Variants in DNAI7 observed in about 807,000 individuals in gnomAD.
DNAI7 encodes cancer susceptibility 1.
Under a neutral mutation model 86.6 loss-of-function variants are expected in DNAI7, and 78 were observed. The ratio of observed to expected loss-of-function variants is 0.90; its 90% CI spans 0.75 to 1.09. The LOEUF is 1.09. Ranked by LOEUF, DNAI7 falls within the 50% of genes least tolerant of loss-of-function variation. DNAI7 has a pLI of 0.00. For missense variants in DNAI7, 753 were observed against 810.2 expected (o/e 0.93, Z 0.86); for synonymous variants, 274 against 273.0 (o/e 1.00, Z -0.04).
At chr12:25,161,071 T>G in intron 3 of DNAI7, 42 bp downstream of exon 3, 1 of 1,441,254 alleles carries the variant, frequency 6.9e-7, no homozygotes, top group Non-Finnish European at 9.8e-7. Flanking sequence ...CTATCGTGAC[T>G]ATTACCTGTA....
At chr12:25,166,288 G>A (rs1190557374) in intron 2 of DNAI7, among the ~76,000 whole-genome samples, 3 of 152,040 alleles carry the variant, frequency 2.0e-5, no homozygotes, top group East Asian at 1.9e-4. Flanking sequence ...CAGGATCTGC[G>A]CCTTATCAAC....
chr12:25,151,810 T>C (rs1945579255), intron 6 of DNAI7, among the ~76,000 whole-genome samples: 1 of 152,194 alleles, frequency 6.6e-6, no homozygotes, highest in Non-Finnish European at 1.5e-5. Context: ...TCACAATCTA[T>C]GTTTATTTGT....
intron 3 of DNAI7, among the ~76,000 whole-genome samples, chr12:25,159,969 T>C (rs936583734): frequency 3.9e-5 from 6 of 152,162 alleles, no homozygotes; most frequent in Non-Finnish European, 8.8e-5. Context: ...TATTTTAAAT[T>C]TGGCAAATAA....
intron 2 of DNAI7, among the ~76,000 whole-genome samples, chr12:25,166,192 A>T (rs968172611): frequency 4.6e-5 from 7 of 152,204 alleles, no homozygotes; most frequent in African/African-American, 1.7e-4. Flanking sequence ...CGCCTGCTAC[A>T]GCATGGCCTT....
At chr12:25,114,535 TA>T in intron 13 of DNAI7, 120 bp downstream of exon 13, 1 of 635,574 alleles carries the variant, frequency 1.6e-6, no homozygotes, top group Non-Finnish European at 2.8e-6. Context: ...AAGGTCATTA[TA>T]AGACACTTAT....
chr12:25,184,096 A>T (rs1469174610), intron 2 of DNAI7, among the ~76,000 whole-genome samples: 1 of 152,196 alleles, frequency 6.6e-6, no homozygotes, highest in East Asian at 1.9e-4. Flanking sequence ...ATTATCATGC[A>T]TGTTTTTAAC....
chr12:25,182,636 A>ACACACG (rs1422435711), intron 2 of DNAI7, among the ~76,000 whole-genome samples: 2 of 151,564 alleles, frequency 1.3e-5, no homozygotes, highest in Non-Finnish European at 2.9e-5. Context: ...ACACACACAC[A>ACACACG]CAAGCCAGAT....
At chr12:25,183,696 C>G (rs751331492) in intron 2 of DNAI7, among the ~76,000 whole-genome samples, 1 of 151,972 alleles carries the variant, frequency 6.6e-6, no homozygotes, top group Non-Finnish European at 1.5e-5. Flanking sequence ...CTCAGTCTCC[C>G]ATATTGCTGG....
At chr12:25,190,724 G>T in intron 1 of DNAI7, 93 bp from the exon 2 acceptor site, 1 of 634,038 alleles carries the variant, frequency 1.6e-6, no homozygotes, top group Non-Finnish European at 2.6e-6. Flanking sequence ...ATTAGAAGAA[G>T]CTTGGTAAAG....
intron 2 of DNAI7, among the ~76,000 whole-genome samples, chr12:25,184,969 A>T (rs1949898886): frequency 6.8e-6 from 1 of 147,896 alleles, no homozygotes. Flanking sequence ...ATCTCTATAA[A>T]AAAAAAAAAA....
chr12:25,161,595 G>A (rs1406008157), intron 2 of DNAI7, among the ~76,000 whole-genome samples: 1 of 152,166 alleles, frequency 6.6e-6, no homozygotes, highest in South Asian at 2.1e-4. Context: ...ATGACTAACA[G>A]GTATACAGAG....
chr12:25,173,157 A>T (rs2141169200), intron 2 of DNAI7, among the ~76,000 whole-genome samples: 1 of 152,350 alleles, frequency 6.6e-6, no homozygotes, highest in African/African-American at 2.4e-5. Flanking sequence ...CAGAGTAAAC[A>T]GACAACCCAC....
chr12:25,175,028 T>C (rs150440060), intron 2 of DNAI7, among the ~76,000 whole-genome samples: 2,161 of 152,076 alleles, frequency 0.014, 103 homozygotes, highest in East Asian at 0.11. Context: ...GCTCGGGTGA[T>C]GGGTGAACCA....
intron 2 of DNAI7, among the ~76,000 whole-genome samples, chr12:25,164,494 A>C (rs371590634): frequency 1.6e-4 from 25 of 152,114 alleles, no homozygotes; most frequent in East Asian, 9.7e-4. Flanking sequence ...CTAAAACCTA[A>C]ATGCCTTTTC....
At chr12:25,140,074 T>G (rs889765860) in intron 9 of DNAI7, among the ~76,000 whole-genome samples, 3 of 152,040 alleles carry the variant, frequency 2.0e-5, no homozygotes, top group African/African-American at 7.2e-5. Flanking sequence ...TATGACAAAC[T>G]CACAGCCAAC....
chr12:25,172,735 G>A (rs1188855490), intron 2 of DNAI7, among the ~76,000 whole-genome samples: 2 of 151,996 alleles, frequency 1.3e-5, no homozygotes, highest in Non-Finnish European at 2.9e-5. Flanking sequence ...AAACAGTGTG[G>A]TACTGGTATA....
Position 25,111,775 on chromosome 12 carries a change from ATTG to A in DNAI7, c.1773_1775del (p.Asn592del). Reference sequence around the variant, plus strand: ...ATTTGGAAAGATTCATTCTTGCCTTATTGTTTATAATAACATAAAAATGAGAGT... The same window carrying A: ...ATTTGGAAAGATTCATTCTTGCCTTATTTATAATAACATAAAAATGAGAGT... On this transcript the variant is annotated inframe_deletion, in exon 14 of 16. Transcript: ENST00000395987. The A allele has an allele frequency of 6.4e-7, 1 of 1,566,268 alleles. No individual in the cohort carries two copies. The highest frequency in any genetic ancestry group is 8.6e-7 in the Non-Finnish European group (1 of 1,160,204).
chr12:25,167,994 C>T (rs1431031339), intron 2 of DNAI7, among the ~76,000 whole-genome samples: 1 of 152,090 alleles, frequency 6.6e-6, no homozygotes, highest in Non-Finnish European at 1.5e-5. Flanking sequence ...ATACCCAGCC[C>T]CGAAAATAAC....
At chr12:25,113,951 T>TTG (rs1939529209) in intron 13 of DNAI7, among the ~76,000 whole-genome samples, 1 of 138,560 alleles carries the variant, frequency 7.2e-6, no homozygotes, top group East Asian at 2.0e-4. Context: ...TTTTTTTTTT[T>TTG]TTTTTTTTTT....
Sources: allele counts gnomAD v4.1 joint callset (sites outside exome capture counted in the v4.1 genomes callset), GRCh38; gene constraint gnomAD v4.1.1; transcripts MANE v1.5; gene names NCBI Gene and HGNC (gene_info 2026-07-23, HGNC 2026-07-21).